Variants in PIK3CB observed in about 807,000 individuals in gnomAD.
PIK3CB encodes the protein phosphatidylinositol-4,5-bisphosphate 3-kinase catalytic subunit beta, also known as phosphatidylinositol 4,5-bisphosphate 3-kinase catalytic subunit beta isoform.
Under a neutral mutation model 136.8 loss-of-function variants are expected in PIK3CB, and 39 were observed. The observed-to-expected ratio is 0.29, with a 90% CI of 0.22 to 0.37. PIK3CB has a LOEUF of 0.37. Among genes scored for constraint, PIK3CB ranks in the 10% least tolerant of loss-of-function variants. The pLI, the probability that PIK3CB is intolerant of heterozygous loss-of-function variation, is 1.00. For missense variants in PIK3CB, 868 were observed against 1,275.4 expected, an observed-to-expected ratio of 0.68 and a Z score of 4.87; for synonymous variants, 428 against 436.6, an observed-to-expected ratio of 0.98 and a Z score of 0.25.
intron 16 of PIK3CB, 102 bp downstream of exon 16, chr3:138,688,773 C>T (rs2043948369): frequency 1.5e-6 from 1 of 678,638 alleles, no homozygotes; most frequent in Non-Finnish European, 2.6e-6. Context: ...GATCAAACAC[C>T]AAGTACCAAA....
At chr3:138,725,848 A>G (rs1161938199) in intron 8 of PIK3CB, among the ~76,000 whole-genome samples, 1 of 152,212 alleles carries the variant, frequency 6.6e-6, no homozygotes, top group Non-Finnish European at 1.5e-5. Context: ...CTATTGAACT[A>G]TCATTGTCCA....
At chr3:138,779,082 A>T (rs1186650531) in intron 2 of PIK3CB, among the ~76,000 whole-genome samples, 1 of 114,086 alleles carries the variant, frequency 8.8e-6, no homozygotes. Context: ...ACTCTATGTC[A>T]TTTCTTTTTT....
intron 8 of PIK3CB, among the ~76,000 whole-genome samples, chr3:138,718,291 T>C (rs897781529): frequency 6.6e-6 from 1 of 152,226 alleles, no homozygotes; most frequent in Non-Finnish European, 1.5e-5. Context: ...GACATTAAGC[T>C]TTTTTGCATA....
At chr3:138,824,894 A>C (rs1933713812) in intron 1 of PIK3CB, among the ~76,000 whole-genome samples, 1 of 120,914 alleles carries the variant, frequency 8.3e-6, no homozygotes. Context: ...CAAAATACCA[A>C]AAAAAAAAAA....
rs764933219 is a variant in PIK3CB, at chr3:138,681,980, C to A, written c.2491G>T (p.Gly831Cys). The A allele has an allele frequency of 6.2e-7, 1 of 1,605,146 alleles. No homozygotes were observed. Residue 831 changes from glycine to cysteine, a missense_variant, in exon 19 of 24, where the codon GGT (glycine) becomes TGT (cysteine). Coordinates refer to ENST00000674063, the MANE Select transcript of PIK3CB (RefSeq NM_006219.3). ...RLMDLLWKEA[G>C]LDLRMLPYGC... ...ACTAGATCTCACCGAAGATCCAAAC[C>A]AGCTTCTTTCCAGAGTAAATCCATC... is the stretch of plus-strand genomic sequence containing the variant.
intron 1 of PIK3CB, among the ~76,000 whole-genome samples, chr3:138,807,028 T>C (rs542459411): frequency 2.9e-4 from 44 of 152,384 alleles, no homozygotes; most frequent in African/African-American, 9.6e-4. Context: ...GTTATAAATA[T>C]GAGCCACTTA....
intron 2 of PIK3CB, among the ~76,000 whole-genome samples, chr3:138,771,817 G>A (rs1196252940): frequency 6.6e-6 from 1 of 151,600 alleles, no homozygotes; most frequent in Non-Finnish European, 1.5e-5. Flanking sequence ...TCGAGAGGCT[G>A]AGGGAGGAGG....
At chr3:138,799,674 GTTT>G (rs1433983505) in intron 1 of PIK3CB, among the ~76,000 whole-genome samples, 2 of 151,490 alleles carry the variant, frequency 1.3e-5, no homozygotes, top group Non-Finnish European at 2.9e-5. Context: ...TTCTTTTCTT[GTTT>G]TTTTGTTTGT....
chr3:138,776,629 G>C (rs2045861751), intron 2 of PIK3CB, among the ~76,000 whole-genome samples: 1 of 152,090 alleles, frequency 6.6e-6, no homozygotes, highest in South Asian at 2.1e-4. Context: ...CTGGGAGGCA[G>C]ACATTGCCGT....
chr3:138,803,134 T>C (rs1017201768), intron 1 of PIK3CB, among the ~76,000 whole-genome samples: 1 of 152,186 alleles, frequency 6.6e-6, no homozygotes, highest in African/African-American at 2.4e-5. Context: ...CATCTTAAAC[T>C]GTAAACAAAC....
At chr3:138,776,394 C>CT (rs1423988233) in intron 2 of PIK3CB, among the ~76,000 whole-genome samples, 1 of 151,874 alleles carries the variant, frequency 6.6e-6, no homozygotes, top group Non-Finnish European at 1.5e-5. Context: ...GGAAAGAAAG[C>CT]TTTAAGAATC....
rs2045583212 is a variant in PIK3CB at position 138,757,151 on chromosome 3, A to T, written c.172-1172T>A. Among the ~76,000 whole-genome samples, 5 of 152,272 alleles carry T rather than the reference A, an allele frequency of 3.3e-5. 1 individual carries two copies. In the South Asian group the frequency reaches 1.0e-3, roughly 32 times the overall value. On this transcript the variant is annotated intron_variant, in intron 3 of 23. Coordinates refer to ENST00000674063, the MANE Select transcript of PIK3CB (RefSeq NM_006219.3). ...CTGGGTGCAGTGGCTCACACCTGTA[A>T]TCCCAGCACTTTGGGAGGCCATGGT...
chr3:138,759,883 A>G lies in PIK3CB; in HGVS notation c.-16-524T>C, dbSNP rs200079335. On this transcript the variant is annotated intron_variant, in intron 2 of 23. Coordinates refer to ENST00000674063, the MANE Select transcript of PIK3CB (RefSeq NM_006219.3). The stretch of plus-strand genomic sequence containing the variant: ...CAATCAAGAGGGCCCTCTCTCAACA[A>G]GAACAATTTGCAATCAAGAGGGCCC... Among the ~76,000 whole-genome samples, 83 of 152,206 alleles carry G rather than the reference A, an allele frequency of 5.5e-4. 1 individual carries two copies. The East Asian group carries it at 0.014, about 26-fold the overall frequency.
rs977150414 is a variant in PIK3CB at position 138,711,828 on chromosome 3, G to A, written c.1399+380C>T. 4.0e-4 allele frequency among the ~76,000 whole-genome samples: 60 copies of A among 151,680 alleles called. 1 individual carries two copies. The highest frequency in any genetic ancestry group is 1.4e-3 in the African/African-American group (58 of 41,424). On this transcript the variant is annotated intron_variant, in intron 10 of 23. Coordinates refer to ENST00000674063, the MANE Select transcript of PIK3CB (RefSeq NM_006219.3). ...AAAATACTAACTTGTTAAAATAACC[G>A]TTTAAAATACAGGTCAGTAACAGTG...
At position 138,755,817 on chromosome 3, in the gene PIK3CB, C is replaced by T; in HGVS notation, c.334G>A (p.Val112Met). ...TCCCCTGGGTCACAACTTCTTGTCACTAATTTGAGAACTGGAAGAAAAGGT... is the reference window on the plus strand; with the variant it reads ...TCCCCTGGGTCACAACTTCTTGTCATTAATTTGAGAACTGGAAGAAAAGGT... ...VRPFLPVLKL[V>M]TRSCDPGEKL... Residue 112 changes from valine (V) to methionine (M), a missense_variant, in exon 4 of 24, where the codon GTG becomes ATG. Coordinates refer to ENST00000674063, the MANE Select transcript of PIK3CB (RefSeq NM_006219.3). The T allele has an allele frequency of 1.2e-6, 2 of 1,613,160 alleles. No individual in the cohort carries two copies. The highest frequency in any genetic ancestry group is 1.1e-5 in the South Asian group (1 of 91,022).
rs1400528837 is a variant in PIK3CB, at chr3:138,665,177, G to A, written c.2531C>T (p.Thr844Ile). The change falls in exon 20 of 24, where the codon ACA (threonine) becomes ATA (isoleucine). Residue 844 changes from threonine to isoleucine, a missense_variant. By Grantham distance (89) the Thr-to-Ile change is moderately conservative (BLOSUM62 -1). Coordinates refer to ENST00000674063, the MANE Select transcript of PIK3CB (RefSeq NM_006219.3). ...LRMLPYGCLA[T>I]GDRSGLIEVV... is the part of the protein sequence containing the mutation. ...TTCAATGAGGCCAGAGCGATCTCCT[G>A]TTGCTAAACAGCCATAAGGCAACAT... 1.2e-6 allele frequency: 2 copies of A among 1,607,436 alleles called. No individual in the cohort carries two copies. The highest frequency in any genetic ancestry group is 1.7e-6 in the Non-Finnish European group (2 of 1,176,404).
chr3:138,662,765 C>T (rs1386717558), intron 21 of PIK3CB, among the ~76,000 whole-genome samples: 2 of 152,178 alleles, frequency 1.3e-5, no homozygotes, highest in African/African-American at 4.8e-5. Flanking sequence ...ACATCCTCTC[C>T]AGCACCTGTT....
At chr3:138,658,753 T>C (rs2043234668) in intron 21 of PIK3CB, among the ~76,000 whole-genome samples, 1 of 152,236 alleles carries the variant, frequency 6.6e-6, no homozygotes, top group Non-Finnish European at 1.5e-5. Flanking sequence ...GTTCACCTTT[T>C]TTCCTTTAGA....
chr3:138,795,182 T>C (rs866127756), intron 2 of PIK3CB, among the ~76,000 whole-genome samples: 2 of 149,034 alleles, frequency 1.3e-5, no homozygotes, highest in Non-Finnish European at 1.5e-5. Context: ...TAGCCGACCA[T>C]AGTGGTGGGT....
Sources: gnomAD v4.1 joint callset for allele counts (sites outside exome capture counted in the v4.1 genomes callset) on GRCh38, gnomAD v4.1.1 for gene constraint, MANE v1.5 for transcripts, NCBI Gene and HGNC (gene_info 2026-07-23, HGNC 2026-07-21) for gene names.